The following ZNF518A variants were observed in gnomAD, a reference collection of about 807,000 sequenced individuals.
ZNF518A encodes the protein zinc finger protein 518A, also known as zinc finger protein 518.
A neutral mutation model predicts 102.7 loss-of-function variants in ZNF518A; 47 were observed. The observed-to-expected ratio is 0.46, with a 90% CI of 0.36 to 0.58. The LOEUF (loss-of-function observed/expected upper bound fraction) is 0.58. Ranked by LOEUF, ZNF518A falls within the 20% of genes least tolerant of loss-of-function variation. ZNF518A has a pLI of 0.00. For missense variants in ZNF518A, 1,793 were observed against 1,699.8 expected (o/e 1.05, Z -0.96); for synonymous variants, 652 against 594.6 (o/e 1.10, Z -1.40).
intron 3 of ZNF518A, among the ~76,000 whole-genome samples, chr10:96,134,985 C>T (rs1256607947): frequency 6.6e-6 from 1 of 152,126 alleles, no homozygotes; most frequent in Non-Finnish European, 1.5e-5. Flanking sequence ...CACCCCTCCC[C>T]TATTCTGAGT....
Position 96,200,585 on chromosome 10 carries a change from T to C in ZNF518A, n.36-2989T>C, listed in dbSNP as rs1480407474. ...TATTTTACATTTTTACATATATTTG[T>C]ATGGAAACTTAGAAAGACTTGCCCA... On this transcript the variant is annotated intron_variant and non_coding_transcript_variant, in intron 1 of 2. Coordinates refer to the ZNF518A transcript ENST00000442635. The surrounding 1 kb of genome is among the most constrained non-coding windows in gnomAD (Gnocchi z 4.3). Among the ~76,000 whole-genome samples, 1 of 152,270 alleles carries C rather than the reference T, an allele frequency of 6.6e-6. No homozygotes were observed. The highest frequency in any genetic ancestry group is 1.5e-5 in the Non-Finnish European group (1 of 68,050).
rs1192684413 is a variant in ZNF518A, at chr10:96,183,257, C to CA, written n.36-20310dup. On this transcript the variant is annotated intron_variant and non_coding_transcript_variant, in intron 1 of 2. Coordinates refer to the ZNF518A transcript ENST00000442635. ...GTTCTATCAATTTTGTTGATCTTTT[C>CA]AAAAAAACAGCTGGATTCATTGATT... 3.9e-5 allele frequency among the ~76,000 whole-genome samples: 6 copies of CA among 151,936 alleles called. No homozygotes were observed. In the South Asian group the frequency reaches 8.3e-4, roughly 21 times the overall value.
intron 1 of ZNF518A, among the ~76,000 whole-genome samples, chr10:96,187,066 A>G (rs1554892672): frequency 6.6e-6 from 1 of 152,234 alleles, no homozygotes; most frequent in East Asian, 1.9e-4. Context: ...AAAGACCCAC[A>G]GTTCTCATCA....
At chr10:96,165,373 C>CTGGGATTAT (rs1316422424), downstream of ZNF518A, among the ~76,000 whole-genome samples, 10 of 150,896 alleles carry the variant, frequency 6.6e-5, no homozygotes, top group African/African-American at 2.2e-4. Context: ...CTCCCAAAGT[C>CTGGGATTAT]TGGGATTATA....
chr10:96,131,413 C>T (rs782595387), intron 1 of ZNF518A, among the ~76,000 whole-genome samples: 2 of 152,128 alleles, frequency 1.3e-5, no homozygotes, highest in Non-Finnish European at 2.9e-5. Flanking sequence ...CATTCACTAT[C>T]TTTCAGCAAA....
intron 3 of ZNF518A, among the ~76,000 whole-genome samples, chr10:96,142,352 GTGTT>G (rs782474644): frequency 1.6e-5 from 2 of 127,528 alleles, no homozygotes; most frequent in East Asian, 2.8e-4. Context: ...GTGTGTGTGT[GTGTT>G]TCTAGATTCC....
chr10:96,183,579 G>A (rs1314291343), intron 1 of ZNF518A, among the ~76,000 whole-genome samples: 1 of 152,196 alleles, frequency 6.6e-6, no homozygotes, highest in Non-Finnish European at 1.5e-5. Flanking sequence ...TTACCCAGTG[G>A]TCATTCAGGA....
chr10:96,195,582 C>A (rs2083444978), intron 1 of ZNF518A, among the ~76,000 whole-genome samples: 1 of 152,108 alleles, frequency 6.6e-6, no homozygotes, highest in Non-Finnish European at 1.5e-5. Context: ...CTGTGTGATT[C>A]CACTTGTATG....
chr10:96,165,150 G>A (rs957035932), downstream of ZNF518A, among the ~76,000 whole-genome samples: 1 of 152,240 alleles, frequency 6.6e-6, no homozygotes, highest in African/African-American at 2.4e-5. Flanking sequence ...TCGAGATGGA[G>A]TCTCACTCTG....
intron 3 of ZNF518A, among the ~76,000 whole-genome samples, chr10:96,146,871 G>GT (rs1236273916): frequency 1.3e-5 from 2 of 152,180 alleles, no homozygotes; most frequent in Non-Finnish European, 2.9e-5. Context: ...CAGTGAAAAG[G>GT]TAACAGTGCC....
intron 1 of ZNF518A, among the ~76,000 whole-genome samples, chr10:96,184,686 G>A (rs918398420): frequency 6.6e-6 from 1 of 152,138 alleles, no homozygotes; most frequent in African/African-American, 2.4e-5. Flanking sequence ...TAGTCTGATG[G>A]GCATCCCTTT....
chr10:96,192,019 T>A, intron 1 of ZNF518A: 3 of 1,613,838 alleles, frequency 1.9e-6, no homozygotes, highest in Non-Finnish European at 2.5e-6. Context: ...ATCTTTTGTG[T>A]TATTCTGACT....
At chr10:96,178,838 T>A (rs587646631) in intron 1 of ZNF518A, among the ~76,000 whole-genome samples, 68 of 152,102 alleles carry the variant, frequency 4.5e-4, no homozygotes, top group African/African-American at 1.6e-3. Context: ...AATGGACAAA[T>A]TCCTTGAGAG....
chr10:96,167,273 C>T (rs587612818), downstream of ZNF518A, among the ~76,000 whole-genome samples: 50 of 152,108 alleles, frequency 3.3e-4, no homozygotes, highest in African/African-American at 1.1e-3. Context: ...CCAGCCTGGC[C>T]AAAATGGTGA....
Position 96,159,487 on chromosome 10 carries a change from A to G in ZNF518A, c.3165A>G (p.Pro1055=). The change falls in exon 6 of 6, where the codon CCA becomes CCG. Residue 1055 remains proline (P), a synonymous_variant. Coordinates refer to ENST00000316045, the MANE Select transcript of ZNF518A (RefSeq NM_001330736.2). ...LPLKGPYILK[P]TSSVKAVLIP... is the part of the protein sequence containing the mutation. Reference sequence around the variant, plus strand: ...TAAAAGGCCCTTACATTTTGAAACCAACGAGTTCTGTGAAAGCTGTTCTTA... The same window carrying G: ...TAAAAGGCCCTTACATTTTGAAACCGACGAGTTCTGTGAAAGCTGTTCTTA... 1 of 1,613,844 alleles carries G rather than the reference A, an allele frequency of 6.2e-7. No homozygotes were observed. The highest frequency in any genetic ancestry group is 1.1e-5 in the South Asian group (1 of 91,074).
intron 1 of ZNF518A, chr10:96,190,242 T>C (rs782298403): frequency 1.3e-6 from 1 of 742,486 alleles, no homozygotes; most frequent in Non-Finnish European, 2.5e-6. Context: ...CACACTTAGG[T>C]GGGAGAGAAA....
At chr10:96,138,844 G>T (rs1287738274) in intron 3 of ZNF518A, among the ~76,000 whole-genome samples, 5 of 151,558 alleles carry the variant, frequency 3.3e-5, no homozygotes, top group African/African-American at 7.3e-5. Flanking sequence ...TCCGGTGGTA[G>T]AGACAGATAG....
intron 1 of ZNF518A, among the ~76,000 whole-genome samples, chr10:96,195,005 G>A (rs1473060309): frequency 4.0e-5 from 6 of 151,790 alleles, no homozygotes; most frequent in East Asian, 3.9e-4. Flanking sequence ...TCCTGACCTC[G>A]TGATCCGCCC....
chr10:96,157,738 A>C lies in ZNF518A; in HGVS notation c.1416A>C (p.Ser472=). The part of the protein sequence containing the change: ...PIKQNVCSPG[S]QSGAAKDGTA... ...AACAAAATGTATGTTCACCAGGCTC[A>C]CAGTCAGGTGCTGCAAAGGACGGTA... Residue 472 remains serine (S), a synonymous_variant, in exon 6 of 6, where the codon TCA becomes TCC. Transcript: ENST00000316045. 6.2e-7 allele frequency: 1 copy of C among 1,613,936 alleles called. No homozygotes were observed. Among genetic ancestry groups the C allele is most frequent in the Non-Finnish European group, 8.5e-7 (1 of 1,179,794 alleles).
Sources: gnomAD v4.1 joint callset for allele counts (sites outside exome capture counted in the v4.1 genomes callset) on GRCh38, gnomAD v4.1.1 for gene constraint, Gnocchi (gnomAD v3.1) non-coding constraint, MANE v1.5 for transcripts, NCBI Gene and HGNC (gene_info 2026-07-23, HGNC 2026-07-21) for gene names.